ATXN8OS: variants seen among roughly 807,000 people sequenced by gnomAD.
The protein encoded by ATXN8OS is ATXN8 opposite strand (non-protein coding).
chr13:70,125,017 C>G (rs578160292), intron 2 of ATXN8OS, among the ~76,000 whole-genome samples: 2 of 151,008 alleles, frequency 1.3e-5, no homozygotes, highest in African/African-American at 4.9e-5. Context: ...TTGGTTTCAG[C>G]TCTTTTTAAA....
intron 2 of ATXN8OS, among the ~76,000 whole-genome samples, chr13:70,122,362 T>C (rs954405571): frequency 6.6e-6 from 1 of 152,014 alleles, no homozygotes; most frequent in Non-Finnish European, 1.5e-5. Context: ...ACTAAAGCAT[T>C]AGTAGTCCAT....
intron 4 of ATXN8OS, among the ~76,000 whole-genome samples, chr13:70,151,430 C>T (rs905576248): frequency 6.6e-6 from 1 of 151,946 alleles, no homozygotes; most frequent in Admixed American, 6.6e-5. Context: ...CATAATATCC[C>T]CCAGGTTCAT....
chr13:70,133,293 G>A (rs765986833), intron 3 of ATXN8OS, among the ~76,000 whole-genome samples: 29 of 152,056 alleles, frequency 1.9e-4, no homozygotes, highest in African/African-American at 2.9e-4. Context: ...GATGGTGTGC[G>A]CCTGTAGTCC....
chr13:70,142,719 T>C (rs1374841417), intron 3 of ATXN8OS, among the ~76,000 whole-genome samples: 1 of 152,204 alleles, frequency 6.6e-6, no homozygotes, highest in East Asian at 1.9e-4. Context: ...TTTTGATTTT[T>C]TTTTTGGAGA....
intron 4 of ATXN8OS, among the ~76,000 whole-genome samples, chr13:70,149,829 G>A (rs1336807647): frequency 2.6e-5 from 4 of 151,998 alleles, no homozygotes; most frequent in African/African-American, 9.7e-5. Flanking sequence ...TATTAGTGAG[G>A]GTTGAAGGAT....
chr13:70,158,263 CA>C (rs1816248199), intron 4 of ATXN8OS, among the ~76,000 whole-genome samples: 1 of 152,000 alleles, frequency 6.6e-6, no homozygotes, highest in African/African-American at 2.4e-5. Flanking sequence ...ACTAAAAATA[CA>C]AAAATTAGCC....
chr13:70,158,183 G>C (rs968792913), intron 4 of ATXN8OS, among the ~76,000 whole-genome samples: 4 of 152,138 alleles, frequency 2.6e-5, no homozygotes, highest in Admixed American at 6.5e-5. Flanking sequence ...ACTTTGGGAG[G>C]CCGAGGCAGG....
intron 4 of ATXN8OS, among the ~76,000 whole-genome samples, chr13:70,147,990 T>G (rs984583615): frequency 4.6e-5 from 7 of 152,134 alleles, no homozygotes; most frequent in Non-Finnish European, 1.0e-4. Context: ...AGATTTCTGA[T>G]TGGCAGTTGG....
intron 4 of ATXN8OS, among the ~76,000 whole-genome samples, chr13:70,149,603 C>T (rs1260606468): frequency 1.3e-5 from 2 of 152,078 alleles, no homozygotes; most frequent in South Asian, 4.1e-4. Flanking sequence ...TAACTATAGA[C>T]TAGCAGTCAG....
At chr13:70,139,549 T>C in intron 3 of ATXN8OS, 1 of 489,946 alleles carries the variant, frequency 2.0e-6, no homozygotes, top group Admixed American at 3.1e-5. Context: ...GAATTGATTT[T>C]TCAATACATC....
At chr13:70,118,984 A>G (rs1451115728) in intron 2 of ATXN8OS, among the ~76,000 whole-genome samples, 3 of 152,232 alleles carry the variant, frequency 2.0e-5, no homozygotes, top group Admixed American at 6.6e-5. Context: ...AGCCATGGAA[A>G]GCTAATTGAA....
chr13:70,155,843 T>A (rs1223324207), intron 4 of ATXN8OS, among the ~76,000 whole-genome samples: 1 of 152,006 alleles, frequency 6.6e-6, no homozygotes, highest in Admixed American at 6.6e-5. Context: ...TAACTTTCTG[T>A]CATATATTGT....
intron 3 of ATXN8OS, among the ~76,000 whole-genome samples, chr13:70,138,943 A>T (rs1463158224): frequency 1.3e-5 from 2 of 152,140 alleles, no homozygotes; most frequent in Non-Finnish European, 2.9e-5. Flanking sequence ...CCACCCTACC[A>T]GCCTTACTGT....
chr13:70,165,052 G>A (rs2137507031), intron 4 of ATXN8OS, among the ~76,000 whole-genome samples: 1 of 151,908 alleles, frequency 6.6e-6, no homozygotes, highest in African/African-American at 2.4e-5. Flanking sequence ...TTACAATATG[G>A]CCTCTGGATT....
chr13:70,117,709 T>C (rs2137472672), intron 2 of ATXN8OS, among the ~76,000 whole-genome samples: 1 of 152,200 alleles, frequency 6.6e-6, no homozygotes, highest in East Asian at 1.9e-4. Flanking sequence ...AGTCTCAGCT[T>C]TCTTATCTGC....
In ATXN8OS at chr13:70,139,374, A is replaced by ACTGCTG. The variant is rs1436504114; in HGVS notation, n.500-7979_500-7978insGCTGCT. On this transcript the variant is annotated intron_variant and non_coding_transcript_variant, in intron 3 of 4. Transcript: ENST00000678624. ...CTTTACTACTACTACTACTACTACT[A>ACTGCTG]CTACTACTACTGCTGCTGCTGCTGC... The ACTGCTG allele has an allele frequency of 3.9e-4, 254 of 648,854 alleles. 2 individuals carry two copies. The highest frequency in any genetic ancestry group is 2.0e-3 in the East Asian group (66 of 32,936). 40.2% of individuals were successfully genotyped at this position (648,854 alleles called of 1,614,324 possible). A position where few individuals can be genotyped will look rare whatever the true frequency, so the allele number is the denominator to read the frequency against.
chr13:70,151,630 A>G (rs1313880101), intron 4 of ATXN8OS, among the ~76,000 whole-genome samples: 6 of 152,170 alleles, frequency 3.9e-5, no homozygotes, highest in African/African-American at 1.4e-4. Flanking sequence ...AAAACAAAAA[A>G]GAAAACCAGC....
chr13:70,111,188 T>C (rs578233216), intron 1 of ATXN8OS, among the ~76,000 whole-genome samples: 2 of 152,260 alleles, frequency 1.3e-5, no homozygotes, highest in South Asian at 4.2e-4. Context: ...CAAGCATGGG[T>C]GTAAAATGTA....
At chr13:70,129,923 G>A in intron 3 of ATXN8OS, 1 of 398,338 alleles carries the variant, frequency 2.5e-6, no homozygotes, top group Non-Finnish European at 4.4e-6. Flanking sequence ...ATAATGGCCA[G>A]GTGTGTGCCA....
Sources: allele counts gnomAD v4.1 joint callset (sites outside exome capture counted in the v4.1 genomes callset), GRCh38; gene constraint gnomAD v4.1.1; transcripts MANE v1.5; gene names NCBI Gene and HGNC (gene_info 2026-07-23, HGNC 2026-07-21).